The following SHISA9 variants were observed in gnomAD, a reference collection of about 807,000 sequenced individuals.
The protein encoded by SHISA9 is shisa family member 9.
SHISA9 carries 13 observed loss-of-function variants against 38.0 expected under a neutral mutation model. The observed-to-expected ratio is 0.34, with a 90% CI of 0.22 to 0.54. The LOEUF is 0.54. Ranked by LOEUF, SHISA9 falls within the 20% of genes least tolerant of loss-of-function variation. The pLI, the probability that SHISA9 is intolerant of heterozygous loss-of-function variation, is 0.91. For synonymous variants in SHISA9, 275 were observed against 242.0 expected, an observed-to-expected ratio of 1.14 and a Z score of -1.27; for missense variants, 538 against 575.8, an observed-to-expected ratio of 0.93 and a Z score of 0.67.
the SHISA9 span, among the ~76,000 whole-genome samples, chr16:13,355,016 A>G: frequency 2.4e-4 from 36 of 148,506 alleles, no homozygotes; most frequent in East Asian, 4.1e-4. Context: ...GGCTGGGATT[A>G]AGGGTGCAAA....
chr16:12,972,848 G>T (rs932677132), intron 2 of SHISA9, among the ~76,000 whole-genome samples: 2 of 152,108 alleles, frequency 1.3e-5, no homozygotes, highest in African/African-American at 4.8e-5. Context: ...GGGTGCAGTG[G>T]TTCACTCCTG....
At chr16:12,971,612 C>G (rs1460645677) in intron 2 of SHISA9, among the ~76,000 whole-genome samples, 1 of 152,130 alleles carries the variant, frequency 6.6e-6, no homozygotes, top group Non-Finnish European at 1.5e-5. Context: ...CCTACTCACC[C>G]CATGCTGTTG....
chr16:12,934,611 G>C (rs531309323), intron 2 of SHISA9, among the ~76,000 whole-genome samples: 5 of 152,106 alleles, frequency 3.3e-5, no homozygotes, highest in African/African-American at 9.7e-5. Context: ...TGGCAAATTC[G>C]TTATGTCTCA....
chr16:13,242,921 C>T (rs999644133), downstream of SHISA9, among the ~76,000 whole-genome samples: 1 of 152,132 alleles, frequency 6.6e-6, no homozygotes, highest in African/African-American at 2.4e-5. Flanking sequence ...CCCAGAAAAT[C>T]TGAGACAAGT....
the SHISA9 span, among the ~76,000 whole-genome samples, chr16:13,305,513 C>G: frequency 6.6e-6 from 1 of 152,174 alleles, no homozygotes; most frequent in Non-Finnish European, 1.5e-5. Context: ...CTTCCCCTGT[C>G]TCTCTCACTC....
chr16:12,958,316 A>G (rs2071863699), intron 2 of SHISA9, among the ~76,000 whole-genome samples: 2 of 152,220 alleles, frequency 1.3e-5, no homozygotes, highest in South Asian at 2.1e-4. Context: ...ATTATAAACA[A>G]AATTCTAATG....
chr16:13,060,189 G>A lies in SHISA9; in HGVS notation c.692-143205G>A, dbSNP rs182742279. Among the ~76,000 whole-genome samples, 189 of 152,268 alleles carry A rather than the reference G, an allele frequency of 1.2e-3. 3 individuals are homozygous for A. Among genetic ancestry groups the A allele is most frequent in the Non-Finnish European group, 1.9e-4 (13 of 68,030 alleles). On this transcript the variant is annotated intron_variant, in intron 2 of 4. Coordinates refer to ENST00000558583, the MANE Select transcript of SHISA9 (RefSeq NM_001145204.3). ...CTCTGTTCTCTCAATGCGCCCCGATGTGCCACATTATTGAAGCTGGAGGGA... is the reference window on the plus strand; with the variant it reads ...CTCTGTTCTCTCAATGCGCCCCGATATGCCACATTATTGAAGCTGGAGGGA...
At position 13,034,370 on chromosome 16, in the gene SHISA9, C is replaced by T. The variant is rs72784428; in HGVS notation, c.691+117555C>T. 6.6e-3 allele frequency among the ~76,000 whole-genome samples: 1,009 copies of T among 152,250 alleles called. 5 individuals carry two copies. The highest frequency in any genetic ancestry group is 0.01 in the Non-Finnish European group (687 of 68,020). ...TCACCTCCTGGCCCAGCTAGACTTG[C>T]TAATGAGCAGTGATGCCAACTCACA... On this transcript the variant is annotated intron_variant, in intron 2 of 4. Transcript: ENST00000558583.
intron 2 of SHISA9, among the ~76,000 whole-genome samples, chr16:13,157,644 G>A (rs983627346): frequency 2.0e-5 from 3 of 152,062 alleles, no homozygotes; most frequent in Non-Finnish European, 2.9e-5. Context: ...GACCTGGGCA[G>A]CTAGTGGTGT....
the SHISA9 span, among the ~76,000 whole-genome samples, chr16:13,286,121 T>C: frequency 6.6e-6 from 1 of 152,168 alleles, no homozygotes; most frequent in African/African-American, 2.4e-5. Context: ...GCCTATGAGC[T>C]GGAAGCCCCC....
chr16:13,068,536 G>A (rs1373125042), intron 2 of SHISA9, among the ~76,000 whole-genome samples: 1 of 152,214 alleles, frequency 6.6e-6, no homozygotes, highest in Non-Finnish European at 1.5e-5. Context: ...CTGGAGTTTA[G>A]ATGGAGAGAG....
the SHISA9 span, among the ~76,000 whole-genome samples, chr16:13,430,744 CAA>C: frequency 3.9e-4 from 56 of 143,664 alleles, no homozygotes; most frequent in East Asian, 4.3e-4. Context: ...CATCTCTAAA[CAA>C]AAAAAAAAAA....
intron 2 of SHISA9, among the ~76,000 whole-genome samples, chr16:13,178,997 C>T (rs1414928721): frequency 6.6e-6 from 1 of 152,126 alleles, no homozygotes; most frequent in African/African-American, 2.4e-5. Flanking sequence ...ATGTCTAAGG[C>T]TTTGAGTAAC....
the SHISA9 span, among the ~76,000 whole-genome samples, chr16:13,455,791 C>T: frequency 6.6e-6 from 1 of 152,134 alleles, no homozygotes; most frequent in African/African-American, 2.4e-5. Context: ...CAGCCTCCCT[C>T]CCCCAGTACA....
chr16:13,260,531 C>G, the SHISA9 span, among the ~76,000 whole-genome samples: 1 of 152,170 alleles, frequency 6.6e-6, no homozygotes, highest in Non-Finnish European at 1.5e-5. Flanking sequence ...CCAGTCTTTG[C>G]TAAAACATAA....
intron 2 of SHISA9, among the ~76,000 whole-genome samples, chr16:13,135,588 A>G (rs1040386865): frequency 3.9e-5 from 6 of 152,190 alleles, no homozygotes; most frequent in Non-Finnish European, 8.8e-5. Context: ...CCTCTGCCCA[A>G]TCTTGTTGCC....
At chr16:13,052,955 C>CTTT (rs1323343918) in intron 2 of SHISA9, among the ~76,000 whole-genome samples, 1 of 133,204 alleles carries the variant, frequency 7.5e-6, no homozygotes, top group African/African-American at 3.2e-5. Flanking sequence ...CCTTTCCTTC[C>CTTT]TTTCTTTTTT....
chr16:13,204,206 GTCTGTCTATCTATCTATCTATCTA>G (rs1164419613), intron 3 of SHISA9, among the ~76,000 whole-genome samples: 3 of 138,052 alleles, frequency 2.2e-5, no homozygotes, highest in African/African-American at 5.3e-5. Flanking sequence ...TTATCTGTCT[GTCTGTCTATCTATCTATCTATCTA>G]TCTATCTATC....
At chr16:13,376,520 T>C in the SHISA9 span, among the ~76,000 whole-genome samples, 1 of 152,116 alleles carries the variant, frequency 6.6e-6, no homozygotes, top group African/African-American at 2.4e-5. Flanking sequence ...ACCAGAGCTG[T>C]TTTTTTCCAG....
Sources: allele counts gnomAD v4.1 joint callset (sites outside exome capture counted in the v4.1 genomes callset), GRCh38; gene constraint gnomAD v4.1.1; transcripts MANE v1.5; gene names NCBI Gene and HGNC (gene_info 2026-07-23, HGNC 2026-07-21).